Variants in ENTREP2 observed in about 807,000 individuals in gnomAD.
ENTREP2 encodes the protein protein ENTREP2.
the ENTREP2 span, among the ~76,000 whole-genome samples, chr15:29,278,876 T>C: frequency 6.6e-6 from 1 of 152,300 alleles, no homozygotes; most frequent in East Asian, 1.9e-4. Flanking sequence ...ACAAAGTGAT[T>C]CCTCACAGTT....
the ENTREP2 span, among the ~76,000 whole-genome samples, chr15:29,541,962 G>C: frequency 6.6e-6 from 1 of 152,196 alleles, no homozygotes; most frequent in Non-Finnish European, 1.5e-5. Context: ...GTTTTGGCTT[G>C]AAGTGGTAGG....
the ENTREP2 span, among the ~76,000 whole-genome samples, chr15:29,661,851 A>G: frequency 6.6e-6 from 1 of 152,242 alleles, no homozygotes; most frequent in Non-Finnish European, 1.5e-5. Flanking sequence ...TGACACACAC[A>G]TTAACCTTTA....
At chr15:29,553,347 C>T in the ENTREP2 span, among the ~76,000 whole-genome samples, 2 of 152,124 alleles carry the variant, frequency 1.3e-5, no homozygotes, top group African/African-American at 4.8e-5. Flanking sequence ...CTCCCTAAAT[C>T]AATTCATAAA....
the ENTREP2 span, among the ~76,000 whole-genome samples, chr15:29,336,421 C>T: frequency 1.3e-5 from 2 of 151,900 alleles, no homozygotes; most frequent in African/African-American, 4.8e-5. Flanking sequence ...AAACAACCCT[C>T]CCACCTTGCC....
chr15:29,422,916 AG>A, the ENTREP2 span, among the ~76,000 whole-genome samples: 2 of 152,232 alleles, frequency 1.3e-5, no homozygotes, highest in Non-Finnish European at 2.9e-5. Flanking sequence ...TAAGAAGGCT[AG>A]GGGATCAAGA....
chr15:29,192,821 C>T, the ENTREP2 span, among the ~76,000 whole-genome samples: 12 of 152,294 alleles, frequency 7.9e-5, no homozygotes, highest in East Asian at 2.3e-3. Context: ...ACTCAAAAGT[C>T]AGTGTTATTC....
At chr15:29,639,857 C>T in the ENTREP2 span, among the ~76,000 whole-genome samples, 3 of 149,576 alleles carry the variant, frequency 2.0e-5, no homozygotes, top group Admixed American at 1.3e-4. Context: ...CAACCTCTAC[C>T]TCCCAGGTTC....
the ENTREP2 span, among the ~76,000 whole-genome samples, chr15:29,330,556 G>A: frequency 3.9e-5 from 6 of 152,118 alleles, no homozygotes; most frequent in Non-Finnish European, 5.9e-5. Context: ...GGCACCCTAC[G>A]TAACACTGAC....
the ENTREP2 span, among the ~76,000 whole-genome samples, chr15:29,478,670 C>T: frequency 6.6e-6 from 1 of 151,458 alleles, no homozygotes; most frequent in Non-Finnish European, 1.5e-5. Context: ...TTTGGGAGGC[C>T]GAGGCAGGAG....
At chr15:29,570,038 G>GA in the ENTREP2 span, 2 of 75,548 alleles carry the variant, frequency 2.6e-5, no homozygotes, top group African/African-American at 1.1e-4. Flanking sequence ...CCCCTCCCCC[G>GA]CCCCCCCACC....
the ENTREP2 span, among the ~76,000 whole-genome samples, chr15:29,465,862 T>A: frequency 6.6e-6 from 1 of 152,236 alleles, no homozygotes; most frequent in African/African-American, 2.4e-5. Context: ...CATCAGGGTA[T>A]ACCTAACAAT....
the ENTREP2 span, among the ~76,000 whole-genome samples, chr15:29,417,083 G>A: frequency 1.8e-4 from 28 of 152,360 alleles, 1 homozygote; most frequent in African/African-American, 6.7e-4. Flanking sequence ...GGAAGTCAGT[G>A]TGGCTATTCC....
At chr15:29,185,779 C>G in the ENTREP2 span, among the ~76,000 whole-genome samples, 2 of 152,152 alleles carry the variant, frequency 1.3e-5, no homozygotes, top group African/African-American at 4.8e-5. Flanking sequence ...CCAGGCTGGT[C>G]TCGAACTCCT....
chr15:29,347,272 T>C, the ENTREP2 span, among the ~76,000 whole-genome samples: 1 of 152,204 alleles, frequency 6.6e-6, no homozygotes, highest in Admixed American at 6.5e-5. Flanking sequence ...ATGCAGTCCT[T>C]CTGCCTCAGC....
chr15:29,430,355 C>T, the ENTREP2 span, among the ~76,000 whole-genome samples: 1 of 152,168 alleles, frequency 6.6e-6, no homozygotes, highest in Non-Finnish European at 1.5e-5. Context: ...GAAATGGTTT[C>T]CTTATTTTTT....
At chr15:29,127,985 T>C in the ENTREP2 span, among the ~76,000 whole-genome samples, 12,649 of 152,250 alleles carry the variant, frequency 0.083, 635 homozygotes, top group East Asian at 0.17. Flanking sequence ...ACTGCAAAGA[T>C]GCTGCGCTCT....
chr15:29,202,868 C>T, the ENTREP2 span, among the ~76,000 whole-genome samples: 1 of 152,166 alleles, frequency 6.6e-6, no homozygotes, highest in Non-Finnish European at 1.5e-5. Flanking sequence ...GCTACATTTT[C>T]TTTATCCAGT....
the ENTREP2 span, among the ~76,000 whole-genome samples, chr15:29,346,401 G>A: frequency 6.6e-6 from 1 of 152,074 alleles, no homozygotes; most frequent in Non-Finnish European, 1.5e-5. Context: ...ACAAAAACAC[G>A]GATCTTTGCT....
At chr15:29,602,181 G>C in the ENTREP2 span, among the ~76,000 whole-genome samples, 1 of 152,184 alleles carries the variant, frequency 6.6e-6, no homozygotes, top group African/African-American at 2.4e-5. Flanking sequence ...CCCCATGAGG[G>C]CAGGACCCAT....
Sources: allele counts gnomAD v4.1 joint callset (sites outside exome capture counted in the v4.1 genomes callset), GRCh38; gene constraint gnomAD v4.1.1; transcripts MANE v1.5; gene names NCBI Gene and HGNC (gene_info 2026-07-23, HGNC 2026-07-21).